The following SLC25A48 variants were observed in gnomAD, a reference collection of about 807,000 sequenced individuals.
SLC25A48 encodes the protein CTC-321K16.1.
SLC25A48 carries 29 observed loss-of-function variants against 32.2 expected under a neutral mutation model. The ratio of observed to expected loss-of-function variants is 0.90; its 90% CI spans 0.67 to 1.23. The LOEUF is 1.23. Ranked by LOEUF, SLC25A48 falls within the 50% of genes most tolerant of loss-of-function variation. The pLI, the probability that SLC25A48 is intolerant of heterozygous loss-of-function variation, is 0.00. For synonymous variants in SLC25A48, 164 were observed against 172.3 expected (o/e 0.95, Z 0.38); for missense variants, 399 against 422.7 (o/e 0.94, Z 0.49).
intron 3 of SLC25A48, among the ~76,000 whole-genome samples, chr5:135,800,929 T>C (rs952041141): frequency 1.3e-5 from 2 of 151,022 alleles, no homozygotes; most frequent in Non-Finnish European, 3.0e-5. Flanking sequence ...GTGATATGGT[T>C]CATAACACTC....
chr5:135,813,703 AG>A (rs1757644359), intron 4 of SLC25A48, among the ~76,000 whole-genome samples: 1 of 152,256 alleles, frequency 6.6e-6, no homozygotes, highest in Non-Finnish European at 1.5e-5. Context: ...TCTGGTAGTC[AG>A]GCAGAGAGGG....
rs998380230 is a variant in SLC25A48 at position 135,732,624 on chromosome 5, T to G, written c.-520-79899T>G. Among the ~76,000 whole-genome samples the G allele has an allele frequency of 3.3e-5, 5 of 152,166 alleles. No homozygotes were observed. The East Asian group carries it at 9.7e-4, about 29-fold the overall frequency. ...ATAGATTTCCACGATGGAAAGGAAA[T>G]GAGAGGTTCTAAGAGGTGGGCTAGC... On this transcript the variant is annotated intron_variant, in intron 3 of 10. Transcript: ENST00000646290.
intron 3 of SLC25A48, among the ~76,000 whole-genome samples, chr5:135,644,059 A>G (rs1437621262): frequency 2.6e-5 from 4 of 152,214 alleles, no homozygotes; most frequent in Non-Finnish European, 5.9e-5. Context: ...ATTTGATGTT[A>G]CACACTGTGC....
At chr5:135,605,448 G>A (rs1342337727) in intron 1 of SLC25A48, among the ~76,000 whole-genome samples, 1 of 152,202 alleles carries the variant, frequency 6.6e-6, no homozygotes, top group Non-Finnish European at 1.5e-5. Flanking sequence ...GGATGCTTGG[G>A]GAGAACCTCT....
intron 2 of SLC25A48, 59 bp from the exon 3 acceptor site, chr5:135,850,366 G>A (rs1320812335): frequency 1.5e-5 from 23 of 1,548,912 alleles, no homozygotes; most frequent in Middle Eastern, 3.4e-4. Flanking sequence ...GGGCATCTCC[G>A]GAGCAGTGGG....
intron 3 of SLC25A48, among the ~76,000 whole-genome samples, chr5:135,655,251 G>A (rs1753215172): frequency 6.6e-6 from 1 of 152,182 alleles, no homozygotes; most frequent in South Asian, 2.1e-4. Flanking sequence ...ACTTACATTG[G>A]CTGTTCTGAG....
At chr5:135,657,111 G>A (rs1402403091) in intron 3 of SLC25A48, among the ~76,000 whole-genome samples, 1 of 152,170 alleles carries the variant, frequency 6.6e-6, no homozygotes, top group Non-Finnish European at 1.5e-5. Context: ...ACTCTTCTCA[G>A]AGGGTGAGTG....
chr5:135,769,958 C>T (rs1470803966), intron 3 of SLC25A48, among the ~76,000 whole-genome samples: 1 of 150,668 alleles, frequency 6.6e-6, no homozygotes, highest in Non-Finnish European at 1.5e-5. Context: ...AGTATTACTC[C>T]CAATTTCGCA....
intron 3 of SLC25A48, among the ~76,000 whole-genome samples, chr5:135,811,060 C>T (rs558650786): frequency 2.2e-4 from 34 of 152,278 alleles, no homozygotes; most frequent in African/African-American, 6.3e-4. Context: ...AAGCCTCCTG[C>T]AGCTACAGGG....
At chr5:135,707,454 C>T (rs2126971312) in intron 3 of SLC25A48, among the ~76,000 whole-genome samples, 1 of 152,242 alleles carries the variant, frequency 6.6e-6, no homozygotes, top group East Asian at 1.9e-4. Flanking sequence ...TTAGTTCCTA[C>T]TCCCTCCTGC....
At chr5:135,611,283 G>A (rs984297997) in intron 1 of SLC25A48, among the ~76,000 whole-genome samples, 28 of 151,956 alleles carry the variant, frequency 1.8e-4, no homozygotes, top group Admixed American at 1.8e-3. Context: ...ACTGAGGTGG[G>A]CAGACCACTT....
intron 3 of SLC25A48, among the ~76,000 whole-genome samples, chr5:135,696,499 G>GTGAA (rs146611202): frequency 0.036 from 5,491 of 152,064 alleles, 300 homozygotes; most frequent in African/African-American, 0.12. Context: ...TGCTGGGTGA[G>GTGAA]TGAATGAATG....
intron 3 of SLC25A48, among the ~76,000 whole-genome samples, chr5:135,812,258 C>A (rs1757607232): frequency 6.6e-6 from 1 of 152,144 alleles, no homozygotes; most frequent in Non-Finnish European, 1.5e-5. Context: ...ACAATCACAT[C>A]AGGGTAACTG....
intron 4 of SLC25A48, among the ~76,000 whole-genome samples, chr5:135,866,360 A>G (rs1055958854): frequency 4.6e-5 from 7 of 152,190 alleles, no homozygotes; most frequent in African/African-American, 1.7e-4. Flanking sequence ...CATTGAAGAC[A>G]TTGAATAGCA....
intron 2 of SLC25A48, among the ~76,000 whole-genome samples, chr5:135,844,830 C>T (rs1759281454): frequency 6.6e-6 from 1 of 152,128 alleles, no homozygotes; most frequent in Non-Finnish European, 1.5e-5. Flanking sequence ...AAAAGATGAA[C>T]AAGCATTCTC....
At chr5:135,691,036 A>G (rs1468824481) in intron 3 of SLC25A48, among the ~76,000 whole-genome samples, 2 of 152,146 alleles carry the variant, frequency 1.3e-5, no homozygotes, top group African/African-American at 4.8e-5. Flanking sequence ...TTAAGAAAAG[A>G]TGCCACGAGT....
intron 2 of SLC25A48, among the ~76,000 whole-genome samples, chr5:135,631,456 A>G (rs760866591): frequency 2.6e-5 from 4 of 152,196 alleles, no homozygotes; most frequent in Non-Finnish European, 5.9e-5. Context: ...CAGGGCTCCC[A>G]TCTGTTTGGC....
At chr5:135,595,940 G>T (rs1751640271) in intron 1 of SLC25A48, among the ~76,000 whole-genome samples, 1 of 152,124 alleles carries the variant, frequency 6.6e-6, no homozygotes, top group Non-Finnish European at 1.5e-5. Context: ...TGATCCTCTT[G>T]GTCCTTTTGG....
chr5:135,605,083 A>G (rs1391898822), intron 1 of SLC25A48, among the ~76,000 whole-genome samples: 2 of 152,260 alleles, frequency 1.3e-5, no homozygotes, highest in African/African-American at 4.8e-5. Context: ...CTGCAAAACT[A>G]TACACATTAT....
Sources: allele counts gnomAD v4.1 joint callset (sites outside exome capture counted in the v4.1 genomes callset), GRCh38; gene constraint gnomAD v4.1.1; transcripts MANE v1.5; gene names NCBI Gene and HGNC (gene_info 2026-07-23, HGNC 2026-07-21).